KLHL15: variants seen among roughly 807,000 people sequenced by gnomAD.
KLHL15 encodes the protein kelch like family member 15.
In KLHL15, 1 loss-of-function variant was observed where a neutral mutation model predicts 29.3. The observed-to-expected ratio is 0.03, with a 90% confidence interval of 0.01 to 0.16. The LOEUF is 0.16. Ranked by LOEUF, KLHL15 falls within the 10% of genes least tolerant of loss-of-function variation. KLHL15 has a pLI of 1.00. For synonymous variants in KLHL15, 212 were observed against 184.5 expected, an observed-to-expected ratio of 1.15 and a Z score of -1.21; for missense variants, 215 against 478.5, an observed-to-expected ratio of 0.45 and a Z score of 5.14.
chrX:24,017,086 C>T (rs1240371702), intron 2 of KLHL15, among the ~76,000 whole-genome samples: 1 of 109,498 alleles, frequency 9.1e-6, no homozygotes, highest in Non-Finnish European at 1.9e-5. Context: ...GTAGTGTGTG[C>T]CTGTAGTCTC....
intron 2 of KLHL15, among the ~76,000 whole-genome samples, chrX:24,016,617 A>G (rs961035384): frequency 2.7e-5 from 3 of 110,554 alleles, no homozygotes; most frequent in Non-Finnish European, 5.7e-5. Flanking sequence ...CAGTGAGCAG[A>G]GATGGCACCA....
At chrX:23,993,130 G>GA (rs1365039233) in intron 3 of KLHL15, among the ~76,000 whole-genome samples, 1 of 111,924 alleles carries the variant, frequency 8.9e-6, no homozygotes, top group Admixed American at 9.6e-5. Flanking sequence ...AGATGGTTGA[G>GA]AACAAAAAGA....
At position 23,998,183 on chromosome X, in the gene KLHL15, G is replaced by C. The variant is rs781431883; in HGVS notation, c.705+7806C>G. On this transcript the variant is annotated intron_variant, in intron 3 of 3. Transcript: ENST00000328046. The stretch of plus-strand genomic sequence containing the variant: ...TCGCCATGTTGGTCAGGCTGGTCTC[G>C]AACTCCTGACCTTGTGATCCGCCCG... Among the ~76,000 whole-genome samples the C allele has an allele frequency of 1.4e-3, 158 of 110,992 alleles. 1 individual carries two copies. The highest frequency in any genetic ancestry group is 4.6e-3 in the Middle Eastern group (1 of 218).
At chrX:24,024,417 T>C (rs1432407031) in intron 2 of KLHL15, among the ~76,000 whole-genome samples, 3 of 112,098 alleles carry the variant, frequency 2.7e-5, no homozygotes, top group Non-Finnish European at 5.6e-5. Context: ...CTCTCAACCC[T>C]GCGATGTTGG....
intron 3 of KLHL15, among the ~76,000 whole-genome samples, chrX:23,998,503 C>T (rs1025978248): frequency 4.5e-5 from 5 of 111,481 alleles, no homozygotes; most frequent in African/African-American, 1.6e-4. Flanking sequence ...GTGATCTGCC[C>T]GCCTCGGCGT....
intron 3 of KLHL15, among the ~76,000 whole-genome samples, chrX:23,994,488 A>C (rs1384641469): frequency 8.9e-6 from 1 of 112,376 alleles, no homozygotes; most frequent in African/African-American, 3.2e-5. Context: ...CATATGCACT[A>C]ACACAGATAT....
At chrX:24,012,795 T>A (rs1044425129) in intron 2 of KLHL15, among the ~76,000 whole-genome samples, 3 of 111,551 alleles carry the variant, frequency 2.7e-5, no homozygotes, top group Non-Finnish European at 5.6e-5. Flanking sequence ...AAGAGGCATC[T>A]GAGGTGCCTC....
At chrX:24,019,260 ATTT>A (rs1190167869) in intron 2 of KLHL15, among the ~76,000 whole-genome samples, 2 of 111,558 alleles carry the variant, frequency 1.8e-5, no homozygotes, top group Admixed American at 1.9e-4. Context: ...AATAGAATTA[ATTT>A]TTATTTGTTT....
chrX:24,013,760 C>G (rs1167375296), intron 2 of KLHL15, among the ~76,000 whole-genome samples: 2 of 109,546 alleles, frequency 1.8e-5, no homozygotes, highest in Non-Finnish European at 3.8e-5. Flanking sequence ...TGTAATCCCA[C>G]ACTTTGGGAG....
In KLHL15 at chrX:23,985,570, G is replaced by A. The variant is rs1928970950; in HGVS notation, c.*2351C>T. 1 of 112,426 alleles carries A rather than the reference G, an allele frequency of 8.9e-6. No homozygotes were observed. Among genetic ancestry groups the A allele is most frequent in the African/African-American group, 3.2e-5 (1 of 30,984 alleles). The allele number at this position is 112,426 out of a possible 1,213,427, so 9.3% of individuals were successfully genotyped here. A position where few individuals can be genotyped will look rare whatever the true frequency, so the allele number is the denominator to read the frequency against. On this transcript the variant is annotated 3_prime_UTR_variant, in exon 4 of 4. Coordinates refer to ENST00000328046, the MANE Select transcript of KLHL15 (RefSeq NM_030624.3). ...GGTCCGACGTGACTTACGTAAAGCT[G>A]AACCCAGAGTTAGTTCAAGTTAAGA... is the stretch of plus-strand genomic sequence containing the variant.
At chrX:23,990,884 A>G (rs893576160) in intron 3 of KLHL15, among the ~76,000 whole-genome samples, 1 of 111,173 alleles carries the variant, frequency 9.0e-6, no homozygotes, top group African/African-American at 3.3e-5. Flanking sequence ...AACGTCACAA[A>G]TTTAAGTATT....
intron 1 of KLHL15, among the ~76,000 whole-genome samples, chrX:24,025,281 T>C (rs1266982153): frequency 9.6e-6 from 1 of 104,700 alleles, no homozygotes; most frequent in South Asian, 4.3e-4. Flanking sequence ...ACGGCGTCTC[T>C]GGGCTTCTGC....
chrX:24,015,024 C>T (rs1188629924), intron 2 of KLHL15, among the ~76,000 whole-genome samples: 3 of 111,989 alleles, frequency 2.7e-5, no homozygotes, highest in East Asian at 2.8e-4. Context: ...CTGAACGCCT[C>T]GTTCTCCCAG....
rs1423070616 is a variant in KLHL15, at chrX:23,986,990, G to GA, written c.*930dup. On this transcript the variant is annotated 3_prime_UTR_variant, in exon 4 of 4. Transcript: ENST00000328046. The stretch of plus-strand genomic sequence containing the variant: ...AGGGTAACGTTAAACAGACTGCAAA[G>GA]AAAAACATTTTCAAAAAGAAAAGAC... 8.9e-6 allele frequency: 1 copy of GA among 112,076 alleles called. No individual in the cohort carries two copies. The highest frequency in any genetic ancestry group is 1.9e-5 in the Non-Finnish European group (1 of 53,141). The allele number at this position is 112,076 out of a possible 1,213,427, so 9.2% of individuals were successfully genotyped here.
At chrX:24,005,741 T>G (rs112729517) in intron 3 of KLHL15, among the ~76,000 whole-genome samples, 1 of 112,309 alleles carries the variant, frequency 8.9e-6, no homozygotes, top group Non-Finnish European at 1.9e-5. Context: ...ACTTTTAAAA[T>G]AAAACTGTTT....
At chrX:23,989,182 T>C (rs1457253912) in intron 3 of KLHL15, 152 bp from the exon 4 acceptor site, 1 of 484,086 alleles carries the variant, frequency 2.1e-6, no homozygotes, top group Admixed American at 4.8e-5. Context: ...TCTACAAAGC[T>C]TTTAAAAAAT....
At chrX:24,002,320 C>T (rs1602005597) in intron 3 of KLHL15, among the ~76,000 whole-genome samples, 1 of 111,463 alleles carries the variant, frequency 9.0e-6, no homozygotes, top group East Asian at 2.8e-4. Flanking sequence ...AATGTCAGGC[C>T]TTATCTGTTA....
At chrX:24,003,647 ATGTGTGTGTGTGTG>A (rs10693389) in intron 3 of KLHL15, among the ~76,000 whole-genome samples, 2 of 96,470 alleles carry the variant, frequency 2.1e-5, no homozygotes, top group African/African-American at 4.1e-5. Context: ...GCATAAATAT[ATGTGTGTGTGTGTG>A]TGTGTGTGTG....
chrX:24,005,298 C>G (rs1289858117), intron 3 of KLHL15, among the ~76,000 whole-genome samples: 4 of 112,279 alleles, frequency 3.6e-5, no homozygotes, highest in Non-Finnish European at 7.5e-5. Flanking sequence ...TTTAAGAGAA[C>G]TATTTGCATG....
Sources: allele counts gnomAD v4.1 joint callset (sites outside exome capture counted in the v4.1 genomes callset), GRCh38; gene constraint gnomAD v4.1.1; transcripts MANE v1.5; gene names NCBI Gene and HGNC (gene_info 2026-07-23, HGNC 2026-07-21).